Variants in CNTNAP2 observed in about 807,000 individuals in gnomAD.
The protein encoded by CNTNAP2 is contactin associated protein 2, also known as contactin-associated protein-like 2.
A neutral mutation model predicts 155.2 loss-of-function variants in CNTNAP2; 98 were observed. That is an observed-to-expected ratio of 0.63 (90% CI 0.54 to 0.75). The LOEUF (loss-of-function observed/expected upper bound fraction) is 0.75. CNTNAP2 is among the 30% of genes least tolerant of loss of function. CNTNAP2 has a pLI of 0.00. For synonymous variants in CNTNAP2, 651 were observed against 631.2 expected, an observed-to-expected ratio of 1.03 and a Z score of -0.47; for missense variants, 1,727 against 1,688.1, an observed-to-expected ratio of 1.02 and a Z score of -0.40.
chr7:147,085,266 C>T (rs1361614449), intron 4 of CNTNAP2, among the ~76,000 whole-genome samples: 2 of 152,086 alleles, frequency 1.3e-5, no homozygotes, highest in Non-Finnish European at 2.9e-5. Context: ...CAGGGGTTCC[C>T]AGCCTCCAGG....
chr7:147,076,639 A>G (rs1350283259), intron 4 of CNTNAP2, among the ~76,000 whole-genome samples: 5 of 152,158 alleles, frequency 3.3e-5, no homozygotes, highest in Non-Finnish European at 7.3e-5. Flanking sequence ...AGTGATGAAA[A>G]GTATATGAGT....
At chr7:146,969,617 G>C (rs1192114569) in intron 3 of CNTNAP2, among the ~76,000 whole-genome samples, 12 of 149,236 alleles carry the variant, frequency 8.0e-5, no homozygotes, top group Middle Eastern at 3.5e-3. Flanking sequence ...TGTTTTATCA[G>C]AGACTAGGAT....
At chr7:147,355,242 A>G (rs6968569) in intron 9 of CNTNAP2, among the ~76,000 whole-genome samples, 26,538 of 152,048 alleles carry the variant, frequency 0.17, 2,490 homozygotes, top group African/African-American at 0.23. Context: ...TTTGAAACCA[A>G]TGGGAACAAA....
intron 1 of CNTNAP2, among the ~76,000 whole-genome samples, chr7:146,740,012 A>G (rs1801684899): frequency 6.6e-6 from 1 of 151,952 alleles, no homozygotes; most frequent in African/African-American, 2.4e-5. Context: ...TATTTATTCA[A>G]TTTCAGTCTA....
rs368019326 is a variant in CNTNAP2 at position 148,410,050 on chromosome 7, C to CA, written c.3796+597dup. ...TGGGCTAAAGAGCGGGACTCCGTCT[C>CA]AAAAAAAAAAAAAAAAAAGAAAGAA... is the stretch of plus-strand genomic sequence containing the variant. On this transcript the variant is annotated intron_variant, in intron 23 of 23. Coordinates refer to ENST00000361727, the MANE Select transcript of CNTNAP2 (RefSeq NM_014141.6). Among the ~76,000 whole-genome samples, 8 of 19,828 alleles carry CA rather than the reference C, an allele frequency of 4.0e-4. 2 individuals carry two copies. Among genetic ancestry groups the CA allele is most frequent in the African/African-American group, 1.5e-3 (6 of 3,962 alleles). 13.0% of individuals were successfully genotyped at this position (19,828 alleles called of 152,430 possible). A position where few individuals can be genotyped will look rare whatever the true frequency, so the allele number is the denominator to read the frequency against.
At chr7:147,049,565 C>G (rs553963791) in intron 4 of CNTNAP2, among the ~76,000 whole-genome samples, 9 of 152,172 alleles carry the variant, frequency 5.9e-5, no homozygotes, top group South Asian at 2.1e-4. Context: ...GACACAGCCC[C>G]CCATTTTGGC....
chr7:146,657,000 A>C (rs1800006086), intron 1 of CNTNAP2, among the ~76,000 whole-genome samples: 2 of 152,152 alleles, frequency 1.3e-5, no homozygotes, highest in Non-Finnish European at 2.9e-5. Context: ...GACTCATATG[A>C]TATCACTTTG....
chr7:147,174,443 C>T (rs753048970), intron 8 of CNTNAP2, among the ~76,000 whole-genome samples: 4 of 152,104 alleles, frequency 2.6e-5, no homozygotes, highest in Non-Finnish European at 4.4e-5. Context: ...CAATACTACT[C>T]CATTGCAAAT....
chr7:148,099,792 C>T (rs967181752), intron 15 of CNTNAP2, among the ~76,000 whole-genome samples: 4 of 151,372 alleles, frequency 2.6e-5, no homozygotes, highest in South Asian at 4.2e-4. Flanking sequence ...CCAGGGCCCT[C>T]GCTTCTCTAC....
At chr7:147,971,805 A>T (rs1801339795) in intron 14 of CNTNAP2, among the ~76,000 whole-genome samples, 2 of 152,206 alleles carry the variant, frequency 1.3e-5, no homozygotes, top group South Asian at 4.1e-4. Context: ...TCTTGTATAG[A>T]TATCCAGAAG....
At chr7:147,469,935 G>A (rs1798187041) in intron 10 of CNTNAP2, among the ~76,000 whole-genome samples, 1 of 152,126 alleles carries the variant, frequency 6.6e-6, no homozygotes, top group Non-Finnish European at 1.5e-5. Flanking sequence ...AAGCATTCTA[G>A]GCAGACACTA....
At chr7:148,085,406 T>C (rs1206020080) in intron 15 of CNTNAP2, among the ~76,000 whole-genome samples, 5 of 152,210 alleles carry the variant, frequency 3.3e-5, no homozygotes, top group African/African-American at 1.2e-4. Flanking sequence ...AAAATAGTTT[T>C]TTATTCTCAC....
chr7:146,340,433 A>C (rs2129096442), intron 1 of CNTNAP2, among the ~76,000 whole-genome samples: 1 of 151,914 alleles, frequency 6.6e-6, no homozygotes, highest in South Asian at 2.1e-4. Flanking sequence ...CTTATAATGA[A>C]AGAAAACAGA....
intron 15 of CNTNAP2, among the ~76,000 whole-genome samples, chr7:148,071,921 G>A (rs1803389281): frequency 6.6e-6 from 1 of 152,134 alleles, no homozygotes; most frequent in South Asian, 2.1e-4. Context: ...TCTTCAAATA[G>A]CTATAAAAAT....
In CNTNAP2 at chr7:148,418,445, C is replaced by T. The variant is rs548952629; in HGVS notation, c.*2829C>T. 1.3e-5 allele frequency: 2 copies of T among 152,102 alleles called. No individual in the cohort carries two copies. Among genetic ancestry groups the T allele is most frequent in the Admixed American group, 6.5e-5 (1 of 15,284 alleles). 9.4% of individuals were successfully genotyped at this position (152,102 alleles called of 1,614,324 possible). A position where few individuals can be genotyped will look rare whatever the true frequency, so the allele number is the denominator to read the frequency against. On this transcript the variant is annotated 3_prime_UTR_variant, in exon 24 of 24. Transcript: ENST00000361727. ...AAATAATATGTATAGACAACAACAA[C>T]GACAAAAAATAGACTGTTTTAAAGT...
chr7:146,170,018 C>CTTTTTTTT (rs71175637), intron 1 of CNTNAP2, among the ~76,000 whole-genome samples: 3 of 126,970 alleles, frequency 2.4e-5, no homozygotes, highest in African/African-American at 5.9e-5. Context: ...CCTTTCTTTT[C>CTTTTTTTT]TTTTTTTTTT....
intron 15 of CNTNAP2, among the ~76,000 whole-genome samples, chr7:148,064,614 A>G (rs980523865): frequency 6.6e-6 from 1 of 151,474 alleles, no homozygotes; most frequent in Non-Finnish European, 1.5e-5. Flanking sequence ...TAGTTCTGCT[A>G]TACACCAACT....
At chr7:146,322,634 C>CTTTTTTTTTTT (rs56287346) in intron 1 of CNTNAP2, among the ~76,000 whole-genome samples, 5,016 of 64,774 alleles carry the variant, frequency 0.077, 917 homozygotes, top group Middle Eastern at 0.13. Context: ...TGTTCATTCT[C>CTTTTTTTTTTT]TTTTTTTTTT....
At chr7:146,961,844 G>A (rs1383602815) in intron 3 of CNTNAP2, among the ~76,000 whole-genome samples, 36 of 152,054 alleles carry the variant, frequency 2.4e-4, no homozygotes, top group Admixed American at 2.4e-3. Flanking sequence ...CATTCTCTGG[G>A]GAATGAGCTA....
Sources: gnomAD v4.1 joint callset for allele counts (sites outside exome capture counted in the v4.1 genomes callset) on GRCh38, gnomAD v4.1.1 for gene constraint, MANE v1.5 for transcripts, NCBI Gene and HGNC (gene_info 2026-07-23, HGNC 2026-07-21) for gene names.